Variants in GIMAP8 observed in about 807,000 individuals in gnomAD.
The protein encoded by GIMAP8 is GTPase IMAP family member 8.
GIMAP8 carries 29 observed loss-of-function variants against 35.6 expected under a neutral mutation model. The ratio of observed to expected loss-of-function variants is 0.81; its 90% CI spans 0.61 to 1.11. GIMAP8 has a LOEUF of 1.11. Ranked by LOEUF, GIMAP8 falls within the 50% of genes most tolerant of loss-of-function variation. The probability of loss-of-function intolerance (pLI) is 0.00; values close to 1 mark genes in which losing one functional copy is unlikely to be tolerated. For synonymous variants in GIMAP8, 335 were observed against 308.7 expected, an observed-to-expected ratio of 1.09 and a Z score of -0.89; for missense variants, 811 against 805.0, an observed-to-expected ratio of 1.01 and a Z score of -0.09.
chr7:150,455,424 T>C (rs975150891), intron 1 of GIMAP8, among the ~76,000 whole-genome samples: 1 of 152,130 alleles, frequency 6.6e-6, no homozygotes, highest in Non-Finnish European at 1.5e-5. Context: ...GTTACAGGAG[T>C]TAAGTAATAT....
Position 150,474,651 on chromosome 7 carries a change from A to C in GIMAP8, c.1309+13A>C. On this transcript the variant is annotated intron_variant, in intron 4 of 4. Coordinates refer to ENST00000307271, the MANE Select transcript of GIMAP8 (RefSeq NM_175571.4). ...TTCAGAGAAAAAGGTAAAACTGTGAATAGGATATATATTTTTACATATATC... is the reference window on the plus strand; with the variant it reads ...TTCAGAGAAAAAGGTAAAACTGTGACTAGGATATATATTTTTACATATATC... The C allele has an allele frequency of 2.7e-6, 4 of 1,500,838 alleles. No homozygotes were observed. Among genetic ancestry groups the C allele is most frequent in the Non-Finnish European group, 3.6e-6 (4 of 1,115,720 alleles). 93.0% of individuals were successfully genotyped at this position (1,500,838 alleles called of 1,614,324 possible).
In GIMAP8 at chr7:150,466,597, T is replaced by G. The variant is rs766047628; in HGVS notation, c.-28-74T>G. On this transcript the variant is annotated intron_variant, in intron 1 of 4. Coordinates refer to ENST00000307271, the MANE Select transcript of GIMAP8 (RefSeq NM_175571.4). ...GCGGCAATTTGAGTCAAAAAGAGAA[T>G]GTCTTTTCTTGCTGTTTTCCTGTCC... 99 of 1,312,056 alleles carry G rather than the reference T, an allele frequency of 7.5e-5. No homozygotes were observed. In the Middle Eastern group the frequency reaches 1.1e-3, roughly 15 times the overall value. The allele number at this position is 1,312,056 out of a possible 1,614,324, so 81.3% of individuals were successfully genotyped here. A position where few individuals can be genotyped will look rare whatever the true frequency, so the allele number is the denominator to read the frequency against.
In GIMAP8 at chr7:150,474,115, A is replaced by T. The variant is rs1802166607; in HGVS notation, c.786A>T (p.Ala262=). 6.2e-7 allele frequency: 1 copy of T among 1,614,202 alleles called. No individual in the cohort carries two copies. The highest frequency in any genetic ancestry group is 8.5e-7 in the Non-Finnish European group (1 of 1,180,038). Reference sequence around the variant, plus strand: ...GGAAACGCGGTGCTGGAAAAAGTGCAGCAGGAAACAGCATTCTGGGGAGGC... The same window carrying T: ...GGAAACGCGGTGCTGGAAAAAGTGCTGCAGGAAACAGCATTCTGGGGAGGC... ...LVGKRGAGKS[A]AGNSILGRQA... Residue 262 remains alanine, a synonymous_variant, in exon 4 of 5, where the codon GCA becomes GCT. Coordinates refer to ENST00000307271, the MANE Select transcript of GIMAP8 (RefSeq NM_175571.4).
intron 3 of GIMAP8, among the ~76,000 whole-genome samples, chr7:150,471,474 T>C (rs1218575785): frequency 6.6e-6 from 1 of 152,220 alleles, no homozygotes; most frequent in Non-Finnish European, 1.5e-5. Context: ...GTGAATAAGA[T>C]AGACAAGATC....
chr7:150,478,151 C>T lies in GIMAP8; in HGVS notation c.*371C>T, dbSNP rs998210629. 5.1e-5 allele frequency: 11 copies of T among 215,160 alleles called. No homozygotes were observed. The highest frequency in any genetic ancestry group is 9.2e-5 in the African/African-American group (4 of 43,480). 13.3% of individuals were successfully genotyped at this position (215,160 alleles called of 1,614,324 possible). ...CACCTGGGATGAGAATATAGATAGT[C>T]GTACAACAACCCAGGGGATCCAGAT... On this transcript the variant is annotated 3_prime_UTR_variant, in exon 5 of 5. Transcript: ENST00000307271.
chr7:150,454,816 A>T (rs2116584741), intron 1 of GIMAP8, among the ~76,000 whole-genome samples: 1 of 152,354 alleles, frequency 6.6e-6, no homozygotes, highest in East Asian at 1.9e-4. Flanking sequence ...GGTCAAAAAG[A>T]AATCATACTT....
rs369209909 is a variant in GIMAP8 at position 150,466,872 on chromosome 7, A to G, written c.174A>G (p.Glu58=). 1.9e-6 allele frequency: 3 copies of G among 1,614,140 alleles called. No individual in the cohort carries two copies. In the African/African-American group the frequency reaches 4.0e-5, roughly 22 times the overall value. ...AGAGAGAGAGTTGGGTCCTGAGAGA[A>G]AGGAAGGTTGTGGTAATTGACACCC... ...MCQRESWVLR[E]RKVVVIDTPD... The change falls in exon 2 of 5, where the codon GAA becomes GAG. Residue 58 remains glutamate (E), a synonymous_variant. Transcript: ENST00000307271.
In GIMAP8 at chr7:150,467,138, T is replaced by A. The variant is rs1801982791; in HGVS notation, c.440T>A (p.Phe147Tyr). 2 of 1,614,184 alleles carry A rather than the reference T, an allele frequency of 1.2e-6. No individual in the cohort carries two copies. Among genetic ancestry groups the A allele is most frequent in the Non-Finnish European group, 1.7e-6 (2 of 1,180,034 alleles). Residue 147 changes from phenylalanine (F) to tyrosine (Y), a missense_variant, in exon 2 of 5, where the codon TTC becomes TAC. By Grantham distance (22) the Phe-to-Tyr change is conservative. Coordinates refer to ENST00000307271, the MANE Select transcript of GIMAP8 (RefSeq NM_175571.4). ...TTGGGGGATGACTTGCTGCAAGATT[T>A]CATTGAAAAAAACAAACCTCTCAAG... ...DDLGDDLLQD[F>Y]IEKNKPLKQL...
intron 3 of GIMAP8, among the ~76,000 whole-genome samples, chr7:150,471,149 C>CA (rs944836271): frequency 2.6e-5 from 4 of 152,178 alleles, no homozygotes; most frequent in African/African-American, 9.7e-5. Context: ...TTTCCTAACT[C>CA]AGACTCTTCT....
chr7:150,465,648 T>A (rs1181898330), intron 1 of GIMAP8, among the ~76,000 whole-genome samples: 1 of 151,964 alleles, frequency 6.6e-6, no homozygotes, highest in Non-Finnish European at 1.5e-5. Context: ...GAGCATACAG[T>A]GTGTTGAGGA....
intron 1 of GIMAP8, among the ~76,000 whole-genome samples, chr7:150,459,641 T>C (rs949273493): frequency 3.3e-5 from 5 of 152,224 alleles, no homozygotes; most frequent in African/African-American, 1.2e-4. Context: ...TAGCTGGTGC[T>C]ATAACTGAAT....
At chr7:150,467,438 GT>G in intron 2 of GIMAP8, 104 bp downstream of exon 2, 1 of 904,212 alleles carries the variant, frequency 1.1e-6, no homozygotes, top group Non-Finnish European at 1.7e-6. Flanking sequence ...TGGAACATGG[GT>G]TTTGTTTAAT....
Position 150,467,249 on chromosome 7 carries a change from AG to A in GIMAP8, c.552del (p.Glu184AspfsTer10). On this transcript the variant is annotated frameshift_variant, in exon 2 of 5. Coordinates refer to ENST00000307271, the MANE Select transcript of GIMAP8 (RefSeq NM_175571.4). LOFTEE classifies it high-confidence loss of function. ...SKDEQITQVL[E>X]LLRKVESLVN... The stretch of plus-strand genomic sequence containing the variant: ...GATGAGCAGATCACCCAGGTGTTGG[AG>A]CTCCTTCGCAAGGTTGAGTCTTTGG... 1 of 1,614,186 alleles carries A rather than the reference AG, an allele frequency of 6.2e-7. No individual in the cohort carries two copies. The highest frequency in any genetic ancestry group is 8.5e-7 in the Non-Finnish European group (1 of 1,180,020).
rs749292551 is a variant in GIMAP8, at chr7:150,477,570, G to A, written c.1788G>A (p.Arg596=). ...GGCGCATTTTTAAAAAGTGTGGGCG[G>A]CGAGTTTGTGCTTTTAACAACAAAG... ...ALRRIFKKCG[R]RVCAFNNKET... is the part of the protein sequence containing the mutation. Residue 596 remains arginine, a synonymous_variant, in exon 5 of 5, where the codon CGG becomes CGA. Coordinates refer to ENST00000307271, the MANE Select transcript of GIMAP8 (RefSeq NM_175571.4). 1.2e-6 allele frequency: 2 copies of A among 1,614,162 alleles called. No homozygotes were observed. Among genetic ancestry groups the A allele is most frequent in the South Asian group, 1.1e-5 (1 of 91,066 alleles).
In GIMAP8 at chr7:150,467,077, A is replaced by T. The variant is rs1410824455; in HGVS notation, c.379A>T (p.Arg127Trp). 1 of 1,614,080 alleles carries T rather than the reference A, an allele frequency of 6.2e-7. No homozygotes were observed. Among genetic ancestry groups the T allele is most frequent in the Non-Finnish European group, 8.5e-7 (1 of 1,180,036 alleles). Residue 127 changes from arginine (R) to tryptophan (W), a missense_variant, in exon 2 of 5, where the codon AGG (arginine) becomes TGG (tryptophan). Arg to Trp is a moderately radical substitution (Grantham distance 101). Transcript: ENST00000307271. ...ACAAGTGTTTGGAGCTGAAGCCAGGAGGCACATCATTATTGTCTTCACTCG... is the reference window on the plus strand; with the variant it reads ...ACAAGTGTTTGGAGCTGAAGCCAGGTGGCACATCATTATTGTCTTCACTCG... ...IQQVFGAEAR[R>W]HIIIVFTRKD...
At position 150,466,775 on chromosome 7, in the gene GIMAP8, C is replaced by G. The variant is rs751981283; in HGVS notation, c.77C>G (p.Thr26Arg). ...LGKCRSGKSA[T>R]GNAILGKHVF... ...AAATGCCGCTCGGGAAAAAGTGCCA[C>G]AGGAAATGCCATTCTGGGCAAACAT... Residue 26 changes from threonine to arginine, a missense_variant, in exon 2 of 5, where the codon ACA (threonine) becomes AGA (arginine). Transcript: ENST00000307271. 1 of 1,614,228 alleles carries G rather than the reference C, an allele frequency of 6.2e-7. No homozygotes were observed. Among genetic ancestry groups the G allele is most frequent in the Admixed American group, 1.7e-5 (1 of 60,020 alleles).
intron 1 of GIMAP8, among the ~76,000 whole-genome samples, chr7:150,464,140 T>A (rs1164017896): frequency 6.6e-6 from 1 of 152,200 alleles, no homozygotes; most frequent in African/African-American, 2.4e-5. Flanking sequence ...TAAACTTTCC[T>A]CATACAGAGT....
chr7:150,461,663 T>C (rs1563281872), intron 1 of GIMAP8, among the ~76,000 whole-genome samples: 1 of 152,244 alleles, frequency 6.6e-6, no homozygotes, highest in Non-Finnish European at 1.5e-5. Context: ...TTATATTCCA[T>C]TCAGCCAGTC....
At chr7:150,461,678 C>T (rs890091048) in intron 1 of GIMAP8, among the ~76,000 whole-genome samples, 2 of 152,064 alleles carry the variant, frequency 1.3e-5, no homozygotes, top group Admixed American at 1.3e-4. Flanking sequence ...CCAGTCTATA[C>T]CTTTAAATTA....
Sources: allele counts gnomAD v4.1 joint callset (sites outside exome capture counted in the v4.1 genomes callset), GRCh38; gene constraint gnomAD v4.1.1; transcripts MANE v1.5; gene names NCBI Gene and HGNC (gene_info 2026-07-23, HGNC 2026-07-21).